Variants in JHY observed in about 807,000 individuals in gnomAD.
JHY encodes the protein junctional cadherin complex regulator.
In JHY, 69 loss-of-function variants were observed where a neutral mutation model predicts 78.0. The observed-to-expected ratio is 0.88, with a 90% CI of 0.73 to 1.08. JHY has a LOEUF of 1.08. Ranked by LOEUF, JHY falls within the 50% of genes least tolerant of loss-of-function variation. The pLI, the probability that JHY is intolerant of heterozygous loss-of-function variation, is 0.00. For synonymous variants in JHY, 368 were observed against 342.6 expected, an observed-to-expected ratio of 1.07 and a Z score of -0.82; for missense variants, 944 against 927.8, an observed-to-expected ratio of 1.02 and a Z score of -0.23.
At chr11:122,952,860 T>C (rs925653566) in intron 6 of JHY, among the ~76,000 whole-genome samples, 1 of 152,208 alleles carries the variant, frequency 6.6e-6, no homozygotes, top group Non-Finnish European at 1.5e-5. Flanking sequence ...GGCAAATAGA[T>C]AGTAATTCAG....
chr11:122,905,436 C>A lies in JHY; in HGVS notation c.864+992C>A, dbSNP rs954330839. The A allele has an allele frequency of 1.3e-5, 18 of 1,335,514 alleles. No homozygotes were observed. The African/African-American group carries it at 2.1e-4, about 15-fold the overall frequency. 82.7% of individuals were successfully genotyped at this position (1,335,514 alleles called of 1,614,324 possible). A position where few individuals can be genotyped will look rare whatever the true frequency, so the allele number is the denominator to read the frequency against. ...TATGTTAAATGTGGTTGCCCTTAGACCTATTCCAAATCCCAACTGGTATTT... is the reference window on the plus strand; with the variant it reads ...TATGTTAAATGTGGTTGCCCTTAGAACTATTCCAAATCCCAACTGGTATTT... On this transcript the variant is annotated intron_variant, in intron 3 of 8. Coordinates refer to ENST00000227349, the MANE Select transcript of JHY (RefSeq NM_024806.4).
At chr11:122,933,021 T>C (rs1364956566) in intron 4 of JHY, among the ~76,000 whole-genome samples, 1 of 152,196 alleles carries the variant, frequency 6.6e-6, no homozygotes, top group Non-Finnish European at 1.5e-5. Flanking sequence ...AAAAATATGA[T>C]ATGATAAGTA....
In JHY at chr11:122,917,837, A is replaced by T. The variant is rs1217388633; in HGVS notation, c.865-7060A>T. Among the ~76,000 whole-genome samples the T allele has an allele frequency of 6.6e-6, 1 of 152,100 alleles. No homozygotes were observed. Among genetic ancestry groups the T allele is most frequent in the African/African-American group, 2.4e-5 (1 of 41,414 alleles). ...GTAAGTTATATGAGATATTCCTAAA[A>T]ATCTCTTTCACATTCTTAAAAATGG... On this transcript the variant is annotated intron_variant, in intron 3 of 8. Coordinates refer to ENST00000227349, the MANE Select transcript of JHY (RefSeq NM_024806.4). The surrounding 1 kb of genome is among the most constrained non-coding windows in gnomAD (Gnocchi z 4.1).
At chr11:122,929,132 G>A (rs1423865926) in intron 4 of JHY, among the ~76,000 whole-genome samples, 1 of 150,764 alleles carries the variant, frequency 6.6e-6, no homozygotes, top group Admixed American at 6.6e-5. Flanking sequence ...TCTTCATGTT[G>A]GTCAGGCTGG....
At chr11:122,889,467 ATGG>A (rs1862565156) in intron 2 of JHY, among the ~76,000 whole-genome samples, 1 of 152,180 alleles carries the variant, frequency 6.6e-6, no homozygotes, top group Non-Finnish European at 1.5e-5. Context: ...AACTATTTAC[ATGG>A]TATTTACATT....
intron 3 of JHY, among the ~76,000 whole-genome samples, chr11:122,921,035 C>CAAA (rs759682121): frequency 0.019 from 2,615 of 139,076 alleles, 61 homozygotes; most frequent in South Asian, 0.12. Flanking sequence ...GAATGGTTCA[C>CAAA]AAAAAAAAAA....
In JHY at chr11:122,908,454, A is replaced by G. The variant is rs11218888; in HGVS notation, c.864+4010A>G. On this transcript the variant is annotated intron_variant, in intron 3 of 8. Transcript: ENST00000227349. ...TGTGATCCAGTAGGTCTGGGGTGAG[A>G]TGCAGAGTGTGCATTTCTGACAAGT... 0.018 allele frequency among the ~76,000 whole-genome samples: 2,770 copies of G among 152,278 alleles called. 407 individuals carry two copies. The East Asian group carries it at 0.39, about 21-fold the overall frequency.
intron 6 of JHY, among the ~76,000 whole-genome samples, chr11:122,949,877 C>T (rs1365180785): frequency 6.6e-6 from 1 of 150,552 alleles, no homozygotes; most frequent in Non-Finnish European, 1.5e-5. Context: ...CGCTTCATCG[C>T]CCAGGCTGGT....
In JHY at chr11:122,959,447, C is replaced by A; in HGVS notation, c.*2C>A. The A allele has an allele frequency of 1.2e-6, 2 of 1,613,644 alleles. No individual in the cohort carries two copies. Among genetic ancestry groups the A allele is most frequent in the Non-Finnish European group, 1.7e-6 (2 of 1,179,732 alleles). On this transcript the variant is annotated 3_prime_UTR_variant, in exon 9 of 9. Transcript: ENST00000227349. The stretch of plus-strand genomic sequence containing the variant: ...TTCAAAGTCCTTCACATCGTATAGA[C>A]AACATTTGATAGGAAGGAGACCAAA...
At chr11:122,916,940 G>C (rs898426440) in intron 3 of JHY, among the ~76,000 whole-genome samples, 1 of 152,018 alleles carries the variant, frequency 6.6e-6, no homozygotes, top group Admixed American at 6.6e-5. Context: ...TAATCGCTAG[G>C]TTTTTGTGAA....
intron 3 of JHY, among the ~76,000 whole-genome samples, chr11:122,919,090 C>T (rs1192872706): frequency 2.0e-5 from 3 of 152,048 alleles, no homozygotes; most frequent in Non-Finnish European, 4.4e-5. Flanking sequence ...CAGTGGGTCA[C>T]GCCTGTAATC....
intron 3 of JHY, chr11:122,905,445 A>C (rs746577962): frequency 9.2e-6 from 12 of 1,309,150 alleles, no homozygotes; most frequent in Admixed American, 3.7e-5. Flanking sequence ...ACCTATTCCA[A>C]ATCCCAACTG....
chr11:122,891,924 T>C (rs1434182532), intron 2 of JHY, among the ~76,000 whole-genome samples: 1 of 152,184 alleles, frequency 6.6e-6, no homozygotes, highest in African/African-American at 2.4e-5. Context: ...CCAGTAAAAA[T>C]TAAAACTATG....
intron 3 of JHY, among the ~76,000 whole-genome samples, chr11:122,922,048 G>T (rs1204951551): frequency 6.6e-6 from 1 of 152,132 alleles, no homozygotes; most frequent in African/African-American, 2.4e-5. Context: ...AGCACAAGTT[G>T]AATTGTTTCA....
chr11:122,915,662 G>A (rs1010922019), intron 3 of JHY, among the ~76,000 whole-genome samples: 6 of 151,990 alleles, frequency 3.9e-5, no homozygotes, highest in African/African-American at 7.3e-5. Flanking sequence ...AGAGGTACCC[G>A]CCACCATGCC....
intron 3 of JHY, among the ~76,000 whole-genome samples, chr11:122,924,571 G>T (rs1265604273): frequency 1.3e-5 from 2 of 152,142 alleles, no homozygotes; most frequent in African/African-American, 4.8e-5. Context: ...TTCTATTGGT[G>T]TGATCAAACG....
At chr11:122,919,954 C>G (rs943594496) in intron 3 of JHY, among the ~76,000 whole-genome samples, 3 of 152,222 alleles carry the variant, frequency 2.0e-5, no homozygotes, top group Non-Finnish European at 4.4e-5. Flanking sequence ...TATTTCATGT[C>G]TTTTGCCTCT....
At chr11:122,933,295 GTA>G in intron 4 of JHY, among the ~76,000 whole-genome samples, 1 of 152,244 alleles carries the variant, frequency 6.6e-6, no homozygotes, top group East Asian at 1.9e-4. Context: ...AGATTTTTTA[GTA>G]TATGTGTTCA....
intron 2 of JHY, among the ~76,000 whole-genome samples, chr11:122,897,810 G>A (rs1321158186): frequency 2.0e-5 from 3 of 152,144 alleles, no homozygotes; most frequent in East Asian, 1.9e-4. Context: ...TAAATACCAC[G>A]ACCAGTATGA....
Sources: gnomAD v4.1 joint callset for allele counts (sites outside exome capture counted in the v4.1 genomes callset) on GRCh38, gnomAD v4.1.1 for gene constraint, Gnocchi (gnomAD v3.1) non-coding constraint, MANE v1.5 for transcripts, NCBI Gene and HGNC (gene_info 2026-07-23, HGNC 2026-07-21) for gene names.